The following ANKDD1A variants were observed in gnomAD, a reference collection of about 807,000 sequenced individuals.
The protein encoded by ANKDD1A is ankyrin repeat and death domain-containing protein 1A.
Under a neutral mutation model 63.5 loss-of-function variants are expected in ANKDD1A, and 59 were observed. The observed-to-expected ratio is 0.93, with a 90% CI of 0.75 to 1.15. The LOEUF (loss-of-function observed/expected upper bound fraction) is 1.15, where lower values mean the gene tolerates loss of function less well. ANKDD1A is among the 50% of genes most tolerant of loss of function. The probability of loss-of-function intolerance (pLI) is 0.00; values close to 1 mark genes in which losing one functional copy is unlikely to be tolerated. For synonymous variants in ANKDD1A, 266 were observed against 263.9 expected (o/e 1.01, Z -0.08); for missense variants, 632 against 656.4 (o/e 0.96, Z 0.41).
At chr15:64,946,816 T>C (rs1325431865) in intron 12 of ANKDD1A, among the ~76,000 whole-genome samples, 1 of 152,192 alleles carries the variant, frequency 6.6e-6, no homozygotes, top group Non-Finnish European at 1.5e-5. Flanking sequence ...CAGGATGATT[T>C]TTTTCACCCT....
intron 7 of ANKDD1A, 121 bp from the exon 8 acceptor site, chr15:64,931,364 GGC>G: frequency 1.2e-6 from 1 of 803,884 alleles, no homozygotes; most frequent in Non-Finnish European, 2.0e-6. Flanking sequence ...CCAGGGGCAG[GGC>G]AGTGGAGAGC....
Position 64,951,883 on chromosome 15 carries a change from CCTTCTTTCTTTTT to C in ANKDD1A, c.1483+1915_1483+1927del, listed in dbSNP as rs2085290908. The stretch of plus-strand genomic sequence containing the variant: ...TTCCTCTTCTTTTTCTTTCTTCTTT[CCTTCTTTCTTTTT>C]CTTTTCTCTTCGTCCTCTTGTTCTT... On this transcript the variant is annotated intron_variant, in intron 14 of 14. Coordinates refer to ENST00000319580, the MANE Select transcript of ANKDD1A (RefSeq NM_182703.6). Among the ~76,000 whole-genome samples, 8 of 82,238 alleles carry C rather than the reference CCTTCTTTCTTTTT, an allele frequency of 9.7e-5. No individual in the cohort carries two copies. The South Asian group carries it at 2.2e-3, about 22-fold the overall frequency. 54.0% of individuals were successfully genotyped at this position (82,238 alleles called of 152,430 possible).
intron 3 of ANKDD1A, 66 bp downstream of exon 3, chr15:64,917,580 G>A: frequency 5.3e-6 from 8 of 1,510,174 alleles, no homozygotes; most frequent in Non-Finnish European, 7.1e-6. Context: ...CTGGGTCTAT[G>A]AGCCAGTTGC....
chr15:64,913,596 C>T (rs1453128314), intron 1 of ANKDD1A, among the ~76,000 whole-genome samples: 3 of 152,098 alleles, frequency 2.0e-5, no homozygotes, highest in Admixed American at 6.5e-5. Context: ...TGTGTGATTG[C>T]CCCCCAGGGT....
At position 64,940,577 on chromosome 15, in the gene ANKDD1A, C is replaced by T. The variant is rs545080556; in HGVS notation, c.868-1890C>T. Among the ~76,000 whole-genome samples the T allele has an allele frequency of 3.0e-3, 443 of 148,074 alleles. 2 individuals carry two copies. Among genetic ancestry groups the T allele is most frequent in the Admixed American group, 4.1e-3 (59 of 14,556 alleles). On this transcript the variant is annotated intron_variant, in intron 9 of 14. Coordinates refer to ENST00000319580, the MANE Select transcript of ANKDD1A (RefSeq NM_182703.6). ...CCTCCCGAGTAGCTGGGACTACAGG[C>T]ACCCGCCACCAAGCCCGGCTAATTT...
intron 9 of ANKDD1A, among the ~76,000 whole-genome samples, chr15:64,934,759 C>T (rs574390200): frequency 1.3e-5 from 2 of 149,656 alleles, no homozygotes; most frequent in South Asian, 2.1e-4. Flanking sequence ...TCAAGTGATT[C>T]GCCAGCCTCA....
rs757611236 is a variant in ANKDD1A, at chr15:64,942,439, C to T, written c.868-28C>T. On this transcript the variant is annotated intron_variant, in intron 9 of 14. Transcript: ENST00000319580. ...CTGGGCAGTCCTGGGAGGGACTGGTCGATTGATCCGTGTATCTCCTCCCAC... is the reference window on the plus strand; with the variant it reads ...CTGGGCAGTCCTGGGAGGGACTGGTTGATTGATCCGTGTATCTCCTCCCAC... The T allele has an allele frequency of 3.6e-5, 57 of 1,565,316 alleles. No homozygotes were observed. The South Asian group carries it at 4.6e-4, about 13-fold the overall frequency.
At position 64,943,062 on chromosome 15, in the gene ANKDD1A, A is replaced by G. The variant is rs186160874; in HGVS notation, c.967-422A>G. Among the ~76,000 whole-genome samples, 50 of 152,346 alleles carry G rather than the reference A, an allele frequency of 3.3e-4. No homozygotes were observed. The Middle Eastern group carries it at 0.024, about 73-fold the overall frequency. ...GGCAGAATATGTCATATACCTTTAAATGATATGTGTGAGCACTGCTGGGAA... is the reference window on the plus strand; with the variant it reads ...GGCAGAATATGTCATATACCTTTAAGTGATATGTGTGAGCACTGCTGGGAA... On this transcript the variant is annotated intron_variant, in intron 10 of 14. Transcript: ENST00000319580.
intron 13 of ANKDD1A, 71 bp from the exon 14 acceptor site, chr15:64,949,770 A>T (rs1487568801): frequency 6.4e-7 from 1 of 1,573,886 alleles, no homozygotes; most frequent in African/African-American, 1.3e-5. Flanking sequence ...AGGGTGGCAT[A>T]GACAGGCGCT....
At chr15:64,928,839 C>G (rs759396292) in intron 6 of ANKDD1A, among the ~76,000 whole-genome samples, 11 of 152,258 alleles carry the variant, frequency 7.2e-5, no homozygotes, top group Non-Finnish European at 1.5e-4. Context: ...CCTGCCCTGC[C>G]CAGGAAAGTG....
In ANKDD1A at chr15:64,944,557, T is replaced by C. The variant is rs554025206; in HGVS notation, c.1066-95T>C. 4 of 1,168,874 alleles carry C rather than the reference T, an allele frequency of 3.4e-6. No homozygotes were observed. In the East Asian group the frequency reaches 7.7e-5, roughly 22 times the overall value. The allele number at this position is 1,168,874 out of a possible 1,614,324, so 72.4% of individuals were successfully genotyped here. A position where few individuals can be genotyped will look rare whatever the true frequency, so the allele number is the denominator to read the frequency against. ...CTCAGCGTAGACTGCTGGAAAGCAC[T>C]TCCTGTGGGCAGGAGGGTTTGTCCT... is the stretch of plus-strand genomic sequence containing the variant. On this transcript the variant is annotated intron_variant, in intron 11 of 14. Coordinates refer to ENST00000319580, the MANE Select transcript of ANKDD1A (RefSeq NM_182703.6).
Position 64,944,846 on chromosome 15 carries a change from T to TC in ANKDD1A, c.1161+102dup, listed in dbSNP as rs2085211194. ...AACCCTAGGCCTGACCAATTCTGGG[T>TC]CCCTCAGTCTCCAAGCAGGTGATAA... is the stretch of plus-strand genomic sequence containing the variant. On this transcript the variant is annotated intron_variant, in intron 12 of 14. Coordinates refer to ENST00000319580, the MANE Select transcript of ANKDD1A (RefSeq NM_182703.6). 3 of 1,129,558 alleles carry TC rather than the reference T, an allele frequency of 2.7e-6. No homozygotes were observed. The African/African-American group carries it at 4.7e-5, about 18-fold the overall frequency. The allele number at this position is 1,129,558 out of a possible 1,614,324, so 70.0% of individuals were successfully genotyped here. A position where few individuals can be genotyped will look rare whatever the true frequency, so the allele number is the denominator to read the frequency against.
chr15:64,917,765 C>T (rs28373887), intron 3 of ANKDD1A, among the ~76,000 whole-genome samples: 1 of 152,220 alleles, frequency 6.6e-6, no homozygotes, highest in East Asian at 1.9e-4. Context: ...TGATACCATG[C>T]GAACAGAGAG....
intron 3 of ANKDD1A, among the ~76,000 whole-genome samples, chr15:64,921,222 C>A (rs917724661): frequency 6.6e-6 from 1 of 152,244 alleles, no homozygotes; most frequent in Non-Finnish European, 1.5e-5. Context: ...TGATTCACAT[C>A]TCAGAGTGTT....
At chr15:64,922,342 T>G (rs1332173663) in intron 4 of ANKDD1A, 4 of 277,502 alleles carry the variant, frequency 1.4e-5, no homozygotes, top group Non-Finnish European at 2.7e-5. Context: ...CTCAGTGCGG[T>G]GGGGTGAAAG....
chr15:64,942,589 G>A (rs764457020), intron 10 of ANKDD1A, 24 bp downstream of exon 10: 32 of 1,594,178 alleles, frequency 2.0e-5, no homozygotes, highest in African/African-American at 8.1e-5. Context: ...GAGACCTTCC[G>A]GGCCCCAGGG....
At chr15:64,918,093 A>G (rs1279508894) in intron 3 of ANKDD1A, among the ~76,000 whole-genome samples, 2 of 152,240 alleles carry the variant, frequency 1.3e-5, no homozygotes, top group Non-Finnish European at 2.9e-5. Flanking sequence ...CCTGGGCGCG[A>G]TGGCTCATGC....
Position 64,957,137 on chromosome 15 carries a change from A to C in ANKDD1A, c.1518A>C (p.Ala506=), listed in dbSNP as rs777116606. ...CAATGGCGAGATCTCAGCTCACGGC[A>C]ACCTCCGCCTCCCGGGTTCAAATGA... The part of the protein sequence containing the change: ...WSTMARSQLT[A]TSASRVQMIL... Residue 506 remains alanine (A), a synonymous_variant, in exon 15 of 15, where the codon GCA becomes GCC. Transcript: ENST00000319580. 2.3e-6 allele frequency: 1 copy of C among 440,242 alleles called. No homozygotes were observed. The highest frequency in any genetic ancestry group is 4.5e-6 in the Non-Finnish European group (1 of 221,292). 27.3% of individuals were successfully genotyped at this position (440,242 alleles called of 1,614,324 possible). A position where few individuals can be genotyped will look rare whatever the true frequency, so the allele number is the denominator to read the frequency against.
In ANKDD1A at chr15:64,915,901, G is replaced by C; in HGVS notation, c.138+1G>C. 1.2e-6 allele frequency: 2 copies of C among 1,613,098 alleles called. No homozygotes were observed. Among genetic ancestry groups the C allele is most frequent in the Non-Finnish European group, 1.7e-6 (2 of 1,179,460 alleles). On this transcript the variant is annotated splice_donor_variant, in intron 2 of 14. Coordinates refer to ENST00000319580, the MANE Select transcript of ANKDD1A (RefSeq NM_182703.6). LOFTEE classifies it high-confidence loss of function. ...GGTTAACACCAGGGCCAGAAACCACGTGCGTAATGAGCTTCTCTGAATCCA... is the reference window on the plus strand; with the variant it reads ...GGTTAACACCAGGGCCAGAAACCACCTGCGTAATGAGCTTCTCTGAATCCA...
Sources: gnomAD v4.1 joint callset for allele counts (sites outside exome capture counted in the v4.1 genomes callset) on GRCh38, gnomAD v4.1.1 for gene constraint, MANE v1.5 for transcripts, NCBI Gene and HGNC (gene_info 2026-07-23, HGNC 2026-07-21) for gene names.